The following TNN variants were observed in gnomAD, a reference collection of about 807,000 sequenced individuals.
The protein encoded by TNN is tenascin N, also known as tenascin-N.
In TNN, 122 loss-of-function variants were observed where a neutral mutation model predicts 134.4. The ratio of observed to expected loss-of-function variants is 0.91; its 90% CI spans 0.78 to 1.06. The LOEUF is 1.06. Among genes scored for constraint, TNN ranks in the 50% least tolerant of loss-of-function variants. The pLI, the probability that TNN is intolerant of heterozygous loss-of-function variation, is 0.00. For missense variants in TNN, 1,739 were observed against 1,699.4 expected (o/e 1.02, Z -0.41); for synonymous variants, 710 against 670.3 (o/e 1.06, Z -0.91).
rs191231143 is a variant in TNN at position 175,104,231 on chromosome 1, G to C, written c.2119+5636G>C. Among the ~76,000 whole-genome samples, 269 of 145,660 alleles carry C rather than the reference G, an allele frequency of 1.8e-3. 34 individuals are homozygous for C. Among genetic ancestry groups the C allele is most frequent in the Admixed American group, 0.015 (223 of 14,464 alleles). ...AGGACAGGAGATTAACACTGAGAAG[G>C]CCGCGCCAGTATCCAGGAGGAAGTC... On this transcript the variant is annotated intron_variant, in intron 9 of 18. Transcript: ENST00000239462.
At position 175,077,672 on chromosome 1, in the gene TNN, T is replaced by TCTTCAGGCACAACATCCGC. The variant is rs778002003; in HGVS notation, c.261_279dup (p.Thr94AlafsTer40). The TCTTCAGGCACAACATCCGC allele has an allele frequency of 1.2e-6, 2 of 1,614,174 alleles. No individual in the cohort carries two copies. The highest frequency in any genetic ancestry group is 1.7e-6 in the Non-Finnish European group (2 of 1,180,036). ...GAGGCCAGGGAGGAACAGAACATCATCTTCAGGCACAACATCCGCCTTCAG... is the reference window on the plus strand; with the variant it reads ...GAGGCCAGGGAGGAACAGAACATCATCTTCAGGCACAACATCCGCCTTCAGGCACAACATCCGCCTTCAG... On this transcript the variant is annotated frameshift_variant, in exon 2 of 19. Transcript: ENST00000239462. LOFTEE classifies it high-confidence loss of function.
intron 1 of TNN, among the ~76,000 whole-genome samples, chr1:175,072,782 A>G (rs528132748): frequency 9.2e-5 from 14 of 152,140 alleles, no homozygotes; most frequent in Non-Finnish European, 1.8e-4. Flanking sequence ...TAATGAGGAC[A>G]TCTTGTTACA....
intron 16 of TNN, 54 bp from the exon 17 acceptor site, chr1:175,136,767 C>T: frequency 6.4e-7 from 1 of 1,554,892 alleles, no homozygotes; most frequent in African/African-American, 1.4e-5. Flanking sequence ...ATGTTGAGTG[C>T]TTACTCGCAC....
chr1:175,108,992 C>G (rs144125142), intron 9 of TNN, among the ~76,000 whole-genome samples: 1 of 151,392 alleles, frequency 6.6e-6, no homozygotes, highest in African/African-American at 2.4e-5. Flanking sequence ...AGTGAGGGCT[C>G]TGAGGACTGC....
intron 9 of TNN, among the ~76,000 whole-genome samples, chr1:175,098,959 A>G (rs1674646638): frequency 6.6e-6 from 1 of 152,222 alleles, no homozygotes; most frequent in African/African-American, 2.4e-5. Context: ...CTTAAAAAAA[A>G]TTCCTCACCT....
At chr1:175,125,703 CTCTTTCTTTCTTTCTTTCTTTCTTTCTT>C (rs1173340653) in intron 12 of TNN, among the ~76,000 whole-genome samples, 12 of 66,388 alleles carry the variant, frequency 1.8e-4, no homozygotes, top group African/African-American at 5.8e-4. Flanking sequence ...TCTTTTTTCT[CTCTTTCTTTCTTTCTTTCTTTCTTTCTT>C]TCTTTCTTTC....
chr1:175,079,716 G>T lies in TNN; in HGVS notation c.784+9G>T, dbSNP rs150201755. 5 of 1,572,614 alleles carry T rather than the reference G, an allele frequency of 3.2e-6. No homozygotes were observed. The Middle Eastern group carries it at 5.1e-4, about 161-fold the overall frequency. On this transcript the variant is annotated intron_variant, in intron 3 of 18. Coordinates refer to ENST00000239462, the MANE Select transcript of TNN (RefSeq NM_022093.2). The stretch of plus-strand genomic sequence containing the variant: ...CCTGGACTGTGCCCAGGGTGAGAGC[G>T]GAGATGTGCCCTCGGGCCGCCGGAC...
chr1:175,125,623 C>G (rs771169039), intron 12 of TNN, among the ~76,000 whole-genome samples: 2 of 148,700 alleles, frequency 1.3e-5, no homozygotes, highest in South Asian at 4.4e-4. Context: ...CTCTCTCTCT[C>G]CCTTTCTCTC....
At chr1:175,093,068 C>T (rs1279645033) in intron 6 of TNN, among the ~76,000 whole-genome samples, 3 of 152,224 alleles carry the variant, frequency 2.0e-5, no homozygotes, top group Admixed American at 6.5e-5. Context: ...CTTTTCAAAG[C>T]CCCCAGAGAC....
intron 17 of TNN, among the ~76,000 whole-genome samples, chr1:175,137,733 A>G (rs1675849889): frequency 6.6e-6 from 1 of 152,234 alleles, no homozygotes; most frequent in African/African-American, 2.4e-5. Flanking sequence ...TTTTTAAACC[A>G]TAACAAGTGT....
chr1:175,104,421 T>A (rs1485002083), intron 9 of TNN, among the ~76,000 whole-genome samples: 1 of 145,832 alleles, frequency 6.9e-6, no homozygotes, highest in East Asian at 2.3e-4. Context: ...TTCCAGTGAT[T>A]GCCTCGGCAT....
Position 175,080,367 on chromosome 1 carries a change from C to A in TNN, c.989C>A (p.Thr330Asn), listed in dbSNP as rs189214939. ...GLLPGTKYIV[T>N]LRNVKNEVSS... is the part of the protein sequence containing the mutation. ...CTGCCTGGAACCAAGTACATAGTCA[C>A]CCTGCGTAACGTCAAGAATGAAGTT... Residue 330 changes from threonine (T) to asparagine (N), a missense_variant, in exon 4 of 19, where the codon ACC (threonine) becomes AAC (asparagine). Physicochemically the swap from Thr to Asn is moderately conservative, Grantham distance 65. Coordinates refer to ENST00000239462, the MANE Select transcript of TNN (RefSeq NM_022093.2). The A allele has an allele frequency of 9.5e-5, 154 of 1,614,078 alleles. No individual in the cohort carries two copies. In the East Asian group the frequency reaches 3.3e-3, roughly 35 times the overall value.
At position 175,095,635 on chromosome 1, in the gene TNN, G is replaced by T. The variant is rs185548740; in HGVS notation, c.1588+1382G>T. ...CTTGCCCAGGCTGGAGTGCAATGGC[G>T]CAATCTGGGCTCACTGCAACCTCCA... On this transcript the variant is annotated intron_variant, in intron 7 of 18. Transcript: ENST00000239462. Among the ~76,000 whole-genome samples the T allele has an allele frequency of 3.4e-3, 520 of 152,258 alleles. 5 individuals are homozygous for T. The highest frequency in any genetic ancestry group is 0.012 in the African/African-American group (502 of 41,534).
At position 175,113,725 on chromosome 1, in the gene TNN, G is replaced by A. The variant is rs547720929; in HGVS notation, c.2120-3214G>A. ...TTTATTCACTTAATAGTATCCCTTA[G>A]GTTTTGTAGGCTTTCTTTACTCTTT... is the stretch of plus-strand genomic sequence containing the variant. On this transcript the variant is annotated intron_variant, in intron 9 of 18. Coordinates refer to ENST00000239462, the MANE Select transcript of TNN (RefSeq NM_022093.2). Among the ~76,000 whole-genome samples, 131 of 151,970 alleles carry A rather than the reference G, an allele frequency of 8.6e-4. 1 individual carries two copies. Among genetic ancestry groups the A allele is most frequent in the African/African-American group, 3.1e-3 (127 of 41,450 alleles).
chr1:175,124,623 G>C (rs962628516), intron 12 of TNN, among the ~76,000 whole-genome samples: 18 of 152,226 alleles, frequency 1.2e-4, no homozygotes, highest in Non-Finnish European at 2.2e-4. Flanking sequence ...GGAGGTTGCA[G>C]TGAGCCAAGA....
At chr1:175,071,075 G>C (rs1673904638) in intron 1 of TNN, among the ~76,000 whole-genome samples, 1 of 152,182 alleles carries the variant, frequency 6.6e-6, no homozygotes, top group Non-Finnish European at 1.5e-5. Flanking sequence ...CTTCTTAAGT[G>C]ACTCTGTTGG....
chr1:175,126,681 CT>C lies in TNN; in HGVS notation c.2915-271del, dbSNP rs201166987. On this transcript the variant is annotated intron_variant, in intron 12 of 18. Transcript: ENST00000239462. The stretch of plus-strand genomic sequence containing the variant: ...CAATCTAGGCTGTTAATATCCACCA[CT>C]TTGTGGGAACCTGCCTGGGAAATGG... Among the ~76,000 whole-genome samples the C allele has an allele frequency of 7.3e-3, 1,114 of 152,242 alleles. 19 individuals carry two copies. Among genetic ancestry groups the C allele is most frequent in the African/African-American group, 0.025 (1,054 of 41,526 alleles).
intron 12 of TNN, among the ~76,000 whole-genome samples, chr1:175,124,368 G>T (rs560484625): frequency 2.0e-5 from 3 of 152,238 alleles, no homozygotes; most frequent in South Asian, 4.1e-4. Flanking sequence ...AAATAGAGAC[G>T]TGTTAAAACA....
intron 6 of TNN, among the ~76,000 whole-genome samples, 189 bp from the exon 7 acceptor site, chr1:175,093,801 A>G (rs1022607872): frequency 6.6e-6 from 1 of 152,060 alleles, no homozygotes; most frequent in Non-Finnish European, 1.5e-5. Context: ...TGTCTATTGG[A>G]GAGTCCTTTC....
Sources: gnomAD v4.1 joint callset for allele counts (sites outside exome capture counted in the v4.1 genomes callset) on GRCh38, gnomAD v4.1.1 for gene constraint, MANE v1.5 for transcripts, NCBI Gene and HGNC (gene_info 2026-07-23, HGNC 2026-07-21) for gene names.